Variants in NREP observed in about 807,000 individuals in gnomAD.
NREP encodes the protein neuronal regeneration-related protein.
A neutral mutation model predicts 8.6 loss-of-function variants in NREP; 5 were observed. The observed-to-expected ratio is 0.58, with a 90% CI of 0.30 to 1.22. The LOEUF is 1.22. Among genes scored for constraint, NREP ranks in the 50% most tolerant of loss-of-function variants. NREP has a pLI of 0.07. For synonymous variants in NREP, 27 were observed against 28.0 expected (o/e 0.96, Z 0.11); for missense variants, 86 against 82.5 (o/e 1.04, Z -0.17).
chr5:111,955,479 A>C (rs945293295), intron 2 of NREP, among the ~76,000 whole-genome samples: 15 of 111,272 alleles, frequency 1.3e-4, no homozygotes, highest in Admixed American at 7.7e-4. Flanking sequence ...GAAAAAAAAA[A>C]AACAAAAAAC....
intron 2 of NREP, among the ~76,000 whole-genome samples, chr5:111,958,402 T>C (rs759723958): frequency 1.3e-5 from 2 of 151,916 alleles, no homozygotes; most frequent in Non-Finnish European, 2.9e-5. Context: ...CAATTCATAG[T>C]TGATAAAATT....
At chr5:111,892,304 C>G (rs1405051532) in intron 2 of NREP, among the ~76,000 whole-genome samples, 1 of 152,056 alleles carries the variant, frequency 6.6e-6, no homozygotes, top group Non-Finnish European at 1.5e-5. Context: ...AAACAATGTG[C>G]TCTGCTCATG....
chr5:111,965,457 T>C lies in NREP; in HGVS notation c.135+9817A>G, dbSNP rs377052512. Among the ~76,000 whole-genome samples, 125 of 152,292 alleles carry C rather than the reference T, an allele frequency of 8.2e-4. No homozygotes were observed. The South Asian group carries it at 0.025, about 31-fold the overall frequency. On this transcript the variant is annotated intron_variant, in intron 2 of 3. Transcript: ENST00000395634. The stretch of plus-strand genomic sequence containing the variant: ...AATATGATGATGTGTATTTTTATTA[T>C]GAAAAATGAAATATCTAACATATGC...
chr5:111,748,548 T>C (rs17133713), intron 2 of NREP, among the ~76,000 whole-genome samples: 54,160 of 152,054 alleles, frequency 0.36, 12,522 homozygotes, highest in African/African-American at 0.66. Flanking sequence ...GAGCACAGAT[T>C]AGACTGGTTC....
chr5:111,748,496 T>C (rs1474791579), intron 2 of NREP, among the ~76,000 whole-genome samples: 1 of 152,130 alleles, frequency 6.6e-6, no homozygotes, highest in Non-Finnish European at 1.5e-5. Context: ...CCGCAGACAG[T>C]TGTTGATCAC....
chr5:111,964,607 T>C (rs1167015928), intron 2 of NREP, among the ~76,000 whole-genome samples: 2 of 152,008 alleles, frequency 1.3e-5, no homozygotes, highest in African/African-American at 4.8e-5. Context: ...TGGCCTCAAG[T>C]GATCCACCTG....
intron 2 of NREP, among the ~76,000 whole-genome samples, chr5:111,870,932 A>C (rs1194326991): frequency 6.6e-6 from 1 of 152,170 alleles, no homozygotes; most frequent in Non-Finnish European, 1.5e-5. Flanking sequence ...AGTACAGTGT[A>C]AATTTTTAAA....
intron 2 of NREP, among the ~76,000 whole-genome samples, chr5:111,962,283 A>C (rs748370073): frequency 6.6e-6 from 1 of 152,168 alleles, no homozygotes; most frequent in Non-Finnish European, 1.5e-5. Context: ...CTAAACTTAC[A>C]TCATTAAAAA....
At chr5:111,908,647 A>G (rs1050283345) in intron 2 of NREP, among the ~76,000 whole-genome samples, 1 of 149,078 alleles carries the variant, frequency 6.7e-6, no homozygotes, top group Admixed American at 6.6e-5. Flanking sequence ...TGTTGTATAC[A>G]TACCACTTTT....
intron 2 of NREP, among the ~76,000 whole-genome samples, chr5:111,946,748 C>G (rs1271046190): frequency 6.6e-6 from 1 of 152,004 alleles, no homozygotes; most frequent in Non-Finnish European, 1.5e-5. Context: ...AGGCCCACCA[C>G]TACCTAAGCC....
chr5:111,825,223 A>G (rs1752595698), intron 2 of NREP, among the ~76,000 whole-genome samples: 2 of 152,146 alleles, frequency 1.3e-5, no homozygotes, highest in South Asian at 4.1e-4. Context: ...AAAAATAAAT[A>G]AATAAATAAA....
At chr5:111,922,613 AT>A (rs2112583148) in intron 2 of NREP, among the ~76,000 whole-genome samples, 1 of 152,296 alleles carries the variant, frequency 6.6e-6, no homozygotes, top group East Asian at 1.9e-4. Flanking sequence ...TTTCACAAGC[AT>A]TAACAACCTG....
At chr5:111,970,356 A>G (rs1756775998) in intron 2 of NREP, among the ~76,000 whole-genome samples, 2 of 152,132 alleles carry the variant, frequency 1.3e-5, no homozygotes, top group African/African-American at 4.8e-5. Flanking sequence ...CTCTTCAACA[A>G]TATTACAGGC....
At chr5:111,743,044 A>C (rs6891015) in intron 2 of NREP, among the ~76,000 whole-genome samples, 1 of 152,146 alleles carries the variant, frequency 6.6e-6, no homozygotes, top group Non-Finnish European at 1.5e-5. Flanking sequence ...TGAAGAGAAA[A>C]CAAAGTACAA....
intron 2 of NREP, among the ~76,000 whole-genome samples, chr5:111,970,629 C>A (rs916547843): frequency 1.3e-4 from 20 of 151,910 alleles, no homozygotes; most frequent in Non-Finnish European, 2.8e-4. Flanking sequence ...AGTTTGAGAC[C>A]AGCCTGGCCA....
At chr5:111,886,064 A>G (rs1422094680) in intron 2 of NREP, among the ~76,000 whole-genome samples, 1 of 152,208 alleles carries the variant, frequency 6.6e-6, no homozygotes, top group African/African-American at 2.4e-5. Context: ...AATTTTCGCA[A>G]CCTACTCATC....
chr5:111,922,935 G>C (rs560623995), intron 2 of NREP, among the ~76,000 whole-genome samples: 1 of 152,132 alleles, frequency 6.6e-6, no homozygotes, highest in Non-Finnish European at 1.5e-5. Flanking sequence ...TTGGCTGCCT[G>C]GTTGGCTAAC....
chr5:111,819,205 C>G (rs1752461250), intron 2 of NREP, among the ~76,000 whole-genome samples: 1 of 152,156 alleles, frequency 6.6e-6, no homozygotes, highest in Non-Finnish European at 1.5e-5. Flanking sequence ...CCCCTGGTCA[C>G]CTGCTCTGAC....
At chr5:111,917,115 C>T (rs894901092) in intron 2 of NREP, among the ~76,000 whole-genome samples, 17 of 151,970 alleles carry the variant, frequency 1.1e-4, no homozygotes, top group African/African-American at 2.9e-4. Context: ...GTGGGCTTCC[C>T]GCATGCATGG....
Sources: gnomAD v4.1 joint callset for allele counts (sites outside exome capture counted in the v4.1 genomes callset) on GRCh38, gnomAD v4.1.1 for gene constraint, MANE v1.5 for transcripts, NCBI Gene and HGNC (gene_info 2026-07-23, HGNC 2026-07-21) for gene names.